ECE1: variants seen among roughly 807,000 people sequenced by gnomAD.
ECE1 encodes the protein endothelin-converting enzyme 1.
Under a neutral mutation model 98.6 loss-of-function variants are expected in ECE1, and 35 were observed. The observed-to-expected ratio is 0.35, with a 90% CI of 0.27 to 0.47. ECE1 has a LOEUF of 0.47. Among genes scored for constraint, ECE1 ranks in the 20% least tolerant of loss-of-function variants. The pLI is 1.00. For missense variants in ECE1, 814 were observed against 1,025.3 expected, an observed-to-expected ratio of 0.79 and a Z score of 2.81; for synonymous variants, 394 against 407.1, an observed-to-expected ratio of 0.97 and a Z score of 0.39.
chr1:21,335,866 G>C (rs1436509656), intron 1 of ECE1, among the ~76,000 whole-genome samples: 1 of 152,192 alleles, frequency 6.6e-6, no homozygotes, highest in African/African-American at 2.4e-5. Flanking sequence ...GGAAAGTGAG[G>C]ACTATGGAGG....
intron 2 of ECE1, among the ~76,000 whole-genome samples, chr1:21,284,806 A>C (rs2098258783): frequency 6.6e-6 from 1 of 152,198 alleles, no homozygotes; most frequent in Admixed American, 6.5e-5. Flanking sequence ...AGAACCCAGC[A>C]ACCTGGGCTG....
chr1:21,260,523 G>T lies in ECE1; in HGVS notation c.494-131C>A. Reference sequence around the variant, plus strand: ...GCTCTGACATCTGCCTGTCGGAGTGGCAGTGAGGAATGCCGTCACCGTGAG... The same window carrying T: ...GCTCTGACATCTGCCTGTCGGAGTGTCAGTGAGGAATGCCGTCACCGTGAG... On this transcript the variant is annotated intron_variant, in intron 4 of 18. Transcript: ENST00000374893. The surrounding 1 kb of genome is among the most constrained non-coding windows in gnomAD (Gnocchi z 4.3). 8.2e-7 allele frequency: 1 copy of T among 1,214,832 alleles called. No individual in the cohort carries two copies. Among genetic ancestry groups the T allele is most frequent in the Non-Finnish European group, 1.2e-6 (1 of 830,400 alleles). The allele number at this position is 1,214,832 out of a possible 1,614,324, so 75.3% of individuals were successfully genotyped here. A position where few individuals can be genotyped will look rare whatever the true frequency, so the allele number is the denominator to read the frequency against.
At chr1:21,252,230 A>G (rs1033122624) in intron 8 of ECE1, among the ~76,000 whole-genome samples, 8 of 152,202 alleles carry the variant, frequency 5.3e-5, no homozygotes, top group Non-Finnish European at 1.2e-4. Flanking sequence ...AGTTCCCATG[A>G]CTGTCAGATA....
At chr1:21,331,208 C>T (rs12760528) in intron 1 of ECE1, among the ~76,000 whole-genome samples, 10,851 of 152,002 alleles carry the variant, frequency 0.071, 530 homozygotes, top group Middle Eastern at 0.11. Context: ...ATCGAGACGA[C>T]CCTGGCCAAC....
chr1:21,301,268 G>A (rs1638476315), intron 1 of ECE1, among the ~76,000 whole-genome samples: 4 of 152,260 alleles, frequency 2.6e-5, no homozygotes, highest in Admixed American at 2.6e-4. Context: ...GCCGAGGCGG[G>A]CGGATCACGA....
chr1:21,282,945 T>A (rs1363206043), intron 2 of ECE1, among the ~76,000 whole-genome samples: 81 of 148,274 alleles, frequency 5.5e-4, no homozygotes, highest in African/African-American at 1.3e-3. Context: ...TTATTTTTTT[T>A]TTTTTTTTTT....
At position 21,327,142 on chromosome 1, in the gene ECE1, C is replaced by T. The variant is rs1464883685; in HGVS notation, c.3+18234G>A. 6.6e-6 allele frequency among the ~76,000 whole-genome samples: 1 copy of T among 152,192 alleles called. No individual in the cohort carries two copies. The highest frequency in any genetic ancestry group is 1.5e-5 in the Non-Finnish European group (1 of 68,024). On this transcript the variant is annotated intron_variant, in intron 1 of 18. Transcript: ENST00000415912. This position sits in a 1 kb window ranked among gnomAD's most constrained non-coding sequence, Gnocchi z 4.6. ...TGAAGCTGCCAGACTCTGCAGGCAG[C>T]AGGGCATGGGGAGGGACGAAGCCAC...
chr1:21,317,198 G>A (rs151107945), intron 1 of ECE1, among the ~76,000 whole-genome samples: 57 of 152,310 alleles, frequency 3.7e-4, no homozygotes, highest in African/African-American at 1.3e-3. Flanking sequence ...CACCAGAATA[G>A]GTCAGACAGA....
At chr1:21,297,817 G>A (rs1340489019) in intron 1 of ECE1, among the ~76,000 whole-genome samples, 1 of 150,778 alleles carries the variant, frequency 6.6e-6, no homozygotes, top group Non-Finnish European at 1.5e-5. Flanking sequence ...GATTACAGAT[G>A]TGAGCCATGG....
intron 2 of ECE1, 152 bp downstream of exon 2, chr1:21,289,918 G>A: frequency 9.7e-7 from 1 of 1,030,418 alleles, no homozygotes; most frequent in Non-Finnish European, 1.3e-6. Flanking sequence ...AGCTCCAGCT[G>A]CGGGGAGGCG....
At position 21,235,923 on chromosome 1, in the gene ECE1, T is replaced by C. The variant is rs1438513839; in HGVS notation, c.1493A>G (p.Asp498Gly). ...GTATCCTATCATGTTGTAGATGGCATCGGCCTGGACAGGACAGACAGAGGA... is the reference window on the plus strand; with the variant it reads ...GTATCCTATCATGTTGTAGATGGCACCGGCCTGGACAGGACAGACAGAGGA... ...ETRKSAKEKA[D>G]AIYNMIGYPN... is the part of the protein sequence containing the mutation. The change falls in exon 13 of 19, where the codon GAT (aspartate) becomes GGT (glycine). Residue 498 changes from aspartate to glycine, a missense_variant. Asp to Gly is a moderately conservative substitution (Grantham distance 94). This residue lies in a region of ECE1 where 452 missense variants were observed against 567.3 expected (regional missense o/e 0.80). Transcript: ENST00000374893. The surrounding 1 kb of genome is among the most constrained non-coding windows in gnomAD (Gnocchi z 4.2). 1.2e-6 allele frequency: 2 copies of C among 1,614,158 alleles called. No homozygotes were observed. Among genetic ancestry groups the C allele is most frequent in the Admixed American group, 1.7e-5 (1 of 60,018 alleles).
At chr1:21,304,191 CTGTAG>C (rs1638546755) in intron 1 of ECE1, among the ~76,000 whole-genome samples, 1 of 151,328 alleles carries the variant, frequency 6.6e-6, no homozygotes, top group South Asian at 2.1e-4. Flanking sequence ...TGGCGGGCGC[CTGTAG>C]TCCCAGCTAT....
Position 21,345,348 on chromosome 1 carries a change from G to T in ECE1, c.3+28C>A. 1 of 1,356,642 alleles carries T rather than the reference G, an allele frequency of 7.4e-7. No homozygotes were observed. The highest frequency in any genetic ancestry group is 9.6e-7 in the Non-Finnish European group (1 of 1,045,772). 84.0% of individuals were successfully genotyped at this position (1,356,642 alleles called of 1,614,324 possible). On this transcript the variant is annotated intron_variant, in intron 1 of 18. Coordinates refer to the ECE1 transcript ENST00000415912. This position sits in a 1 kb window ranked among gnomAD's most constrained non-coding sequence, Gnocchi z 5.1. ...GCGACCGTCGAGGCTGGGCTGGACCGGACCAGACCTCCGCGCGCAGCACTC... is the reference window on the plus strand; with the variant it reads ...GCGACCGTCGAGGCTGGGCTGGACCTGACCAGACCTCCGCGCGCAGCACTC...
chr1:21,329,134 A>G (rs186152308), intron 1 of ECE1, among the ~76,000 whole-genome samples: 5 of 152,312 alleles, frequency 3.3e-5, no homozygotes, highest in Admixed American at 2.0e-4. Flanking sequence ...AGCATATTCT[A>G]TGGTCCACCA....
In ECE1 at chr1:21,225,049, C is replaced by T. The variant is rs1209416198; in HGVS notation, c.2040+201G>A. Among the ~76,000 whole-genome samples, 2 of 152,242 alleles carry T rather than the reference C, an allele frequency of 1.3e-5. No homozygotes were observed. The highest frequency in any genetic ancestry group is 6.5e-5 in the Admixed American group (1 of 15,278). The stretch of plus-strand genomic sequence containing the variant: ...GGCCAGACTCAGAGCACAAAGCCTT[C>T]TGGTGCCAAGCCCTGTGGTGGGGGA... On this transcript the variant is annotated intron_variant, in intron 17 of 18. Coordinates refer to ENST00000374893, the MANE Select transcript of ECE1 (RefSeq NM_001397.3). The surrounding 1 kb of genome is among the most constrained non-coding windows in gnomAD (Gnocchi z 5.3).
intron 1 of ECE1, among the ~76,000 whole-genome samples, chr1:21,334,319 C>G (rs1020079727): frequency 6.6e-5 from 10 of 152,242 alleles, no homozygotes; most frequent in African/African-American, 2.4e-4. Context: ...AGCCACCACA[C>G]CGGAAGCCCA....
chr1:21,246,881 A>G (rs1024954621), intron 9 of ECE1, among the ~76,000 whole-genome samples: 19 of 152,168 alleles, frequency 1.2e-4, no homozygotes, highest in Non-Finnish European at 2.1e-4. Flanking sequence ...CTGGTCTCAA[A>G]CGCAGGGACT....
chr1:21,334,958 C>T (rs1639277415), intron 1 of ECE1, among the ~76,000 whole-genome samples: 1 of 152,236 alleles, frequency 6.6e-6, no homozygotes, highest in African/African-American at 2.4e-5. Flanking sequence ...CCCAGTCGCC[C>T]CTCAACGTGG....
chr1:21,220,474 C>T lies in ECE1; in HGVS notation c.2137-343G>A, dbSNP rs1026156911. Reference sequence around the variant, plus strand: ...TGATTGTGCCACTGCATTCCAGCCTCGGTGATAGAGTGAGATCCTGTCTCA... The same window carrying T: ...TGATTGTGCCACTGCATTCCAGCCTTGGTGATAGAGTGAGATCCTGTCTCA... On this transcript the variant is annotated intron_variant, in intron 18 of 18. Coordinates refer to ENST00000374893, the MANE Select transcript of ECE1 (RefSeq NM_001397.3). The surrounding 1 kb of genome is among the most constrained non-coding windows in gnomAD (Gnocchi z 5.0). Among the ~76,000 whole-genome samples the T allele has an allele frequency of 4.6e-5, 7 of 151,870 alleles. No individual in the cohort carries two copies. Among genetic ancestry groups the T allele is most frequent in the African/African-American group, 1.7e-4 (7 of 41,354 alleles).
Sources: gnomAD v4.1 joint callset for allele counts (sites outside exome capture counted in the v4.1 genomes callset) on GRCh38, gnomAD v4.1.1 for gene constraint, gnomAD v4.1.1 regional missense constraint, Gnocchi (gnomAD v3.1) non-coding constraint, MANE v1.5 for transcripts, NCBI Gene and HGNC (gene_info 2026-07-23, HGNC 2026-07-21) for gene names.